The following BMP8A variants were observed in gnomAD, a reference collection of about 807,000 sequenced individuals.
The protein encoded by BMP8A is bone morphogenetic protein 8a.
Under a neutral mutation model 36.8 loss-of-function variants are expected in BMP8A, and 14 were observed. The observed-to-expected ratio is 0.38, with a 90% CI of 0.25 to 0.60. The LOEUF (loss-of-function observed/expected upper bound fraction) is 0.60. BMP8A is among the 20% of genes least tolerant of loss of function. The pLI is 0.63. For missense variants in BMP8A, 267 were observed against 551.1 expected (o/e 0.48, Z 5.16); for synonymous variants, 120 against 237.7 (o/e 0.50, Z 4.55).
intron 3 of BMP8A, among the ~76,000 whole-genome samples, chr1:39,517,196 C>T (rs1645400806): frequency 6.6e-6 from 1 of 151,858 alleles, no homozygotes; most frequent in African/African-American, 2.4e-5. Context: ...GGAGTTTCAC[C>T]ATGTTGCCCA....
chr1:39,522,613 G>C (rs1645437677), intron 5 of BMP8A, 131 bp downstream of exon 5: 2 of 1,272,968 alleles, frequency 1.6e-6, no homozygotes, highest in Non-Finnish European at 1.1e-6. Context: ...TGTTTTCCAA[G>C]TTTTCTAAAG....
chr1:39,498,918 C>T (rs1645229327), intron 1 of BMP8A, among the ~76,000 whole-genome samples: 2 of 152,328 alleles, frequency 1.3e-5, no homozygotes, highest in Non-Finnish European at 2.9e-5. Context: ...CCCAGACTGG[C>T]AGTGATACCC....
intron 1 of BMP8A, among the ~76,000 whole-genome samples, chr1:39,495,394 C>T (rs1234429252): frequency 4.0e-5 from 6 of 150,978 alleles, no homozygotes; most frequent in African/African-American, 7.3e-5. Flanking sequence ...GGGTCAGAGC[C>T]GGGGCCCTGC....
rs35892449 is a variant in BMP8A, at chr1:39,503,508, C to CTTT, written c.335-7642_335-7640dup. Among the ~76,000 whole-genome samples the CTTT allele has an allele frequency of 2.7e-4, 19 of 69,988 alleles. 2 individuals carry two copies. The East Asian group carries it at 2.7e-3, about 10-fold the overall frequency. 45.9% of individuals were successfully genotyped at this position (69,988 alleles called of 152,430 possible). ...TAGTGGCATTATGCTTACAGTCTTT[C>CTTT]TTTTTTTTTTTTTTTTTTTTTTTTT... On this transcript the variant is annotated intron_variant, in intron 1 of 6. Coordinates refer to ENST00000331593, the MANE Select transcript of BMP8A (RefSeq NM_181809.4).
rs543497730 is a variant in BMP8A, at chr1:39,492,240, C to G, written c.249C>G (p.Ala83=). 12 of 1,557,194 alleles carry G rather than the reference C, an allele frequency of 7.7e-6. No individual in the cohort carries two copies. In the Admixed American group the frequency reaches 1.1e-4, roughly 14 times the overall value. ...TCTTCATGCTGGACCTGTACCACGC[C>G]ATGGCTGGCGACGACGACGAGGACG... is the stretch of plus-strand genomic sequence containing the variant. ...APLFMLDLYH[A]MAGDDDEDGA... is the part of the protein sequence containing the mutation. Residue 83 remains alanine, a synonymous_variant, in exon 1 of 7, where the codon GCC becomes GCG. Coordinates refer to ENST00000331593, the MANE Select transcript of BMP8A (RefSeq NM_181809.4).
chr1:39,517,356 T>C lies in BMP8A; in HGVS notation c.674-4020T>C, dbSNP rs2266496. Among the ~76,000 whole-genome samples, 66 of 151,232 alleles carry C rather than the reference T, an allele frequency of 4.4e-4. 1 individual carries two copies. The highest frequency in any genetic ancestry group is 1.0e-3 in the South Asian group (5 of 4,774). Reference sequence around the variant, plus strand: ...TTTTAGACAGAATCTCACTCTGTTATCTAGGCTAGAGTACAGTGGTCCAGT... The same window carrying C: ...TTTTAGACAGAATCTCACTCTGTTACCTAGGCTAGAGTACAGTGGTCCAGT... On this transcript the variant is annotated intron_variant, in intron 3 of 6. Transcript: ENST00000331593.
At chr1:39,502,646 G>T (rs1645263118) in intron 1 of BMP8A, among the ~76,000 whole-genome samples, 1 of 152,198 alleles carries the variant, frequency 6.6e-6, no homozygotes, top group African/African-American at 2.4e-5. Flanking sequence ...TGAAGGAGCT[G>T]CCAGTGGCCA....
rs1197546501 is a variant in BMP8A at position 39,491,914 on chromosome 1, C to G, written c.-78C>G. On this transcript the variant is annotated 5_prime_UTR_variant, in exon 1 of 7. Coordinates refer to ENST00000331593, the MANE Select transcript of BMP8A (RefSeq NM_181809.4). ...CCCCTGCTCGCCGAACTCAGCTCCC[C>G]GTTCGCCGTCGGGGCGTCCCCGGGC... 1 of 1,033,564 alleles carries G rather than the reference C, an allele frequency of 9.7e-7. No individual in the cohort carries two copies. The highest frequency in any genetic ancestry group is 1.2e-6 in the Non-Finnish European group (1 of 859,962). The allele number at this position is 1,033,564 out of a possible 1,614,324, so 64.0% of individuals were successfully genotyped here. A position where few individuals can be genotyped will look rare whatever the true frequency, so the allele number is the denominator to read the frequency against.
Position 39,528,260 on chromosome 1 carries a change from A to G in BMP8A, c.*2462A>G. ...TTCTAGCAACTTTAGCCACCCACCA[A>G]ATGACATCACATACAGAAGGCCTCA... On this transcript the variant is annotated 3_prime_UTR_variant, in exon 7 of 7. Coordinates refer to ENST00000331593, the MANE Select transcript of BMP8A (RefSeq NM_181809.4). 6.6e-6 allele frequency among the ~76,000 whole-genome samples: 1 copy of G among 152,200 alleles called. No individual in the cohort carries two copies. The highest frequency in any genetic ancestry group is 1.9e-4 in the East Asian group (1 of 5,192).
Position 39,491,872 on chromosome 1 carries a change from C to T in BMP8A, c.-120C>T, listed in dbSNP as rs1474525814. The T allele has an allele frequency of 3.3e-6, 3 of 904,724 alleles. No individual in the cohort carries two copies. Among genetic ancestry groups the T allele is most frequent in the Non-Finnish European group, 4.0e-6 (3 of 747,534 alleles). 56.0% of individuals were successfully genotyped at this position (904,724 alleles called of 1,614,324 possible). A position where few individuals can be genotyped will look rare whatever the true frequency, so the allele number is the denominator to read the frequency against. On this transcript the variant is annotated 5_prime_UTR_variant, in exon 1 of 7. Coordinates refer to ENST00000331593, the MANE Select transcript of BMP8A (RefSeq NM_181809.4). ...GGGACCGCGCTGAGGCCGCAGACGCCGCCCGCCGAGCCCCGCCCCCTGCTC... is the reference window on the plus strand; with the variant it reads ...GGGACCGCGCTGAGGCCGCAGACGCTGCCCGCCGAGCCCCGCCCCCTGCTC...
Position 39,523,081 on chromosome 1 carries a change from C to G in BMP8A, c.1023C>G (p.Cys341Trp), listed in dbSNP as rs1253599756. The G allele has an allele frequency of 6.2e-7, 1 of 1,614,028 alleles. No homozygotes were observed. The highest frequency in any genetic ancestry group is 8.5e-7 in the Non-Finnish European group (1 of 1,179,966). The part of the protein sequence containing the change: ...EGECSFPLDS[C>W]MNATNHAILQ... ...AGTGCTCCTTCCCGCTGGACTCCTG[C>G]ATGAACGCCACCAACCACGCCATCC... Residue 341 changes from cysteine (C) to tryptophan (W), a missense_variant, in exon 6 of 7, where the codon TGC (cysteine) becomes TGG (tryptophan). Transcript: ENST00000331593.
rs1373355872 is a variant in BMP8A at position 39,525,838 on chromosome 1, TG to T, written c.*42del. The T allele has an allele frequency of 6.2e-7, 1 of 1,611,690 alleles. No homozygotes were observed. The highest frequency in any genetic ancestry group is 8.5e-7 in the Non-Finnish European group (1 of 1,179,724). ...CCCTACTGCAGCCACCCTTCTCATC[TG>T]GATCGGGCCCTGCAGAGGCAGAAAA... On this transcript the variant is annotated 3_prime_UTR_variant, in exon 7 of 7. Transcript: ENST00000331593.
chr1:39,500,901 G>T (rs1009811644), intron 1 of BMP8A, among the ~76,000 whole-genome samples: 13 of 152,076 alleles, frequency 8.5e-5, no homozygotes, highest in African/African-American at 3.1e-4. Context: ...TGATCCACCC[G>T]CCTCAGCCTG....
rs1645160111 is a variant in BMP8A, at chr1:39,491,823, C to G, written c.-169C>G. 2.3e-6 allele frequency: 1 copy of G among 439,426 alleles called. No individual in the cohort carries two copies. Among genetic ancestry groups the G allele is most frequent in the Non-Finnish European group, 3.1e-6 (1 of 323,870 alleles). The allele number at this position is 439,426 out of a possible 1,614,324, so 27.2% of individuals were successfully genotyped here. On this transcript the variant is annotated 5_prime_UTR_variant, in exon 1 of 7. Transcript: ENST00000331593. ...GCGTCCGCTTGTCCCGGAGCCGGGG[C>G]AGGTGCGCGCGGGGGGCGCTCCAGG...
intron 1 of BMP8A, among the ~76,000 whole-genome samples, chr1:39,504,138 G>A (rs1419458219): frequency 2.0e-5 from 3 of 152,200 alleles, no homozygotes; most frequent in African/African-American, 7.2e-5. Flanking sequence ...TCACTTTGAA[G>A]GGGGCCTGCC....
In BMP8A at chr1:39,528,591, G is replaced by A. The variant is rs544803724; in HGVS notation, c.*2793G>A. Among the ~76,000 whole-genome samples, 5 of 152,294 alleles carry A rather than the reference G, an allele frequency of 3.3e-5. No homozygotes were observed. Among genetic ancestry groups the A allele is most frequent in the Admixed American group, 6.5e-5 (1 of 15,304 alleles). On this transcript the variant is annotated 3_prime_UTR_variant, in exon 7 of 7. Transcript: ENST00000331593. ...GTTTCTTTGTCTTTACATAGGGACC[G>A]GGCGATGCGCTTTAGAGAAATTCCC...
rs1165305845 is a variant in BMP8A at position 39,505,426 on chromosome 1, T to G, written c.335-5748T>G. Among the ~76,000 whole-genome samples, 3 of 152,200 alleles carry G rather than the reference T, an allele frequency of 2.0e-5. No homozygotes were observed. The South Asian group carries it at 6.2e-4, about 32-fold the overall frequency. On this transcript the variant is annotated intron_variant, in intron 1 of 6. Coordinates refer to ENST00000331593, the MANE Select transcript of BMP8A (RefSeq NM_181809.4). ...TCCATTAAACCCTGAGTCAATACAG[T>G]ACATGTTTCTGCAAGCACAGGGTTG...
At chr1:39,492,631 G>A (rs1223779513) in intron 1 of BMP8A, among the ~76,000 whole-genome samples, 1 of 152,248 alleles carries the variant, frequency 6.6e-6, no homozygotes, top group Non-Finnish European at 1.5e-5. Flanking sequence ...GCCCCGGGAA[G>A]ACAGCCTGGT....
intron 1 of BMP8A, among the ~76,000 whole-genome samples, chr1:39,510,603 T>C (rs1645344831): frequency 6.6e-6 from 1 of 151,454 alleles, no homozygotes; most frequent in Non-Finnish European, 1.5e-5. Flanking sequence ...CCCGTCTCCC[T>C]GACACCATGG....
Sources: allele counts gnomAD v4.1 joint callset (sites outside exome capture counted in the v4.1 genomes callset), GRCh38; gene constraint gnomAD v4.1.1; transcripts MANE v1.5; gene names NCBI Gene and HGNC (gene_info 2026-07-23, HGNC 2026-07-21).